Variants in BEAN1 observed in about 807,000 individuals in gnomAD.
BEAN1 encodes the protein brain expressed associated with NEDD4 1.
Under a neutral mutation model 17.7 loss-of-function variants are expected in BEAN1, and 17 were observed. The ratio of observed to expected loss-of-function variants is 0.96; its 90% confidence interval spans 0.66 to 1.44. BEAN1 has a LOEUF of 1.44. Ranked by LOEUF, BEAN1 falls within the 40% of genes most tolerant of loss-of-function variation. The pLI, the probability that BEAN1 is intolerant of heterozygous loss-of-function variation, is 0.00. For synonymous variants in BEAN1, 142 were observed against 151.8 expected (o/e 0.94, Z 0.47); for missense variants, 359 against 374.1 (o/e 0.96, Z 0.33).
Position 66,480,784 on chromosome 16 carries a change from TC to T in BEAN1, c.645del (p.Tyr216ThrfsTer63). The T allele has an allele frequency of 2.6e-6, 4 of 1,550,206 alleles. No homozygotes were observed. The highest frequency in any genetic ancestry group is 1.7e-4 in the Middle Eastern group (1 of 5,982). ...TTCACACGGTCTCCATGGACACCCTTCCCCCCTACGAGGCTGTGTGCGGGGC... is the reference window on the plus strand; with the variant it reads ...TTCACACGGTCTCCATGGACACCCTTCCCCCTACGAGGCTGTGTGCGGGGC... ...GLHTVSMDTLPPYEAVCGAGP... is the reference protein window; with the variant it reads ...GLHTVSMDTLXPYEAVCGAGP... On this transcript the variant is annotated frameshift_variant, in exon 5 of 5. Coordinates refer to ENST00000536005, the MANE Select transcript of BEAN1 (RefSeq NM_001178020.3). LOFTEE classifies it low-confidence loss of function (END_TRUNC).
chr16:66,443,356 A>G (rs954523299), intron 2 of BEAN1, among the ~76,000 whole-genome samples: 1 of 152,222 alleles, frequency 6.6e-6, no homozygotes, highest in East Asian at 1.9e-4. Context: ...CATTCCACAC[A>G]TGAGGAAGCT....
At position 66,473,331 on chromosome 16, in the gene BEAN1, G is replaced by C. The variant is rs926136579; in HGVS notation, c.289+3466G>C. 6.6e-6 allele frequency among the ~76,000 whole-genome samples: 1 copy of C among 152,180 alleles called. No individual in the cohort carries two copies. Among genetic ancestry groups the C allele is most frequent in the South Asian group, 2.1e-4 (1 of 4,836 alleles). ...CTTCCCCACTGCAGCCTGTGGTGGT[G>C]GTGACCCCTGTGGGGTTCCGGCCTC... is the stretch of plus-strand genomic sequence containing the variant. On this transcript the variant is annotated intron_variant, in intron 3 of 4. Transcript: ENST00000536005. This position sits in a 1 kb window ranked among gnomAD's most constrained non-coding sequence, Gnocchi z 4.5.
intron 3 of BEAN1, among the ~76,000 whole-genome samples, chr16:66,470,751 C>T (rs181553043): frequency 7.9e-5 from 12 of 152,292 alleles, no homozygotes; most frequent in Admixed American, 2.6e-4. Context: ...TTTTACAGAA[C>T]GCAGCCACCT....
chr16:66,436,092 T>A (rs1371882979), intron 1 of BEAN1, among the ~76,000 whole-genome samples: 1 of 152,082 alleles, frequency 6.6e-6, no homozygotes, highest in Non-Finnish European at 1.5e-5. Context: ...GCACTCATGA[T>A]CTCTGCTCAC....
chr16:66,434,467 G>C lies in BEAN1; in HGVS notation c.-82-3128G>C, dbSNP rs1028138630. Among the ~76,000 whole-genome samples the C allele has an allele frequency of 1.3e-5, 2 of 152,138 alleles. No individual in the cohort carries two copies. The highest frequency in any genetic ancestry group is 2.9e-5 in the Non-Finnish European group (2 of 68,008). ...GGTCCTCCGGCAGAAATCCTGGAGT[G>C]GGGGAAGGGAGAAGGAAACAGGCAG... On this transcript the variant is annotated intron_variant, in intron 1 of 4. Transcript: ENST00000536005. The surrounding 1 kb of genome is among the most constrained non-coding windows in gnomAD (Gnocchi z 4.3).
intron 2 of BEAN1, among the ~76,000 whole-genome samples, chr16:66,452,117 C>T (rs920349835): frequency 2.0e-5 from 3 of 152,136 alleles, no homozygotes; most frequent in Non-Finnish European, 4.4e-5. Context: ...CTCCAAAGCT[C>T]CATGGTTTAG....
exon 5 of BEAN1, chr16:66,493,130 G>T (rs754537210): frequency 8.5e-6 from 6 of 702,858 alleles, no homozygotes; most frequent in Non-Finnish European, 1.6e-5. Flanking sequence ...GATCTTCCTG[G>T]TGAGGGTCTC....
chr16:66,472,338 A>G (rs1031755042), intron 3 of BEAN1, among the ~76,000 whole-genome samples: 1 of 152,262 alleles, frequency 6.6e-6, no homozygotes, highest in African/African-American at 2.4e-5. Flanking sequence ...GCCTGGAGGA[A>G]GCGCTCCATG....
chr16:66,477,474 C>G (rs1195334654), intron 3 of BEAN1, 86 bp from the exon 4 acceptor site: 3 of 1,335,574 alleles, frequency 2.2e-6, no homozygotes, highest in Non-Finnish European at 2.9e-6. Flanking sequence ...ATCAGAGCCT[C>G]CATGGCCCCA....
Position 66,437,585 on chromosome 16 carries a change from G to T in BEAN1, c.-82-10G>T. On this transcript the variant is annotated splice_polypyrimidine_tract_variant and intron_variant, in intron 1 of 4. Transcript: ENST00000536005. ...GGCCCCCCAACACCTGCCTGTTTGTGTCTCCGCAGGTGAGTGGAGGGGCCT... is the reference window on the plus strand; with the variant it reads ...GGCCCCCCAACACCTGCCTGTTTGTTTCTCCGCAGGTGAGTGGAGGGGCCT... 1 of 1,411,392 alleles carries T rather than the reference G, an allele frequency of 7.1e-7. No homozygotes were observed. Among genetic ancestry groups the T allele is most frequent in the Non-Finnish European group, 9.6e-7 (1 of 1,045,710 alleles). 87.4% of individuals were successfully genotyped at this position (1,411,392 alleles called of 1,614,324 possible).
chr16:66,453,946 G>A (rs1453468760), intron 2 of BEAN1, among the ~76,000 whole-genome samples: 1 of 151,944 alleles, frequency 6.6e-6, no homozygotes, highest in Non-Finnish European at 1.5e-5. Context: ...GTTGGCCAGG[G>A]TGGTCTCAAA....
At chr16:66,469,468 A>T in intron 2 of BEAN1, 134 bp from the exon 3 acceptor site, 1 of 1,107,306 alleles carries the variant, frequency 9.0e-7, no homozygotes, top group Non-Finnish European at 1.3e-6. Context: ...CAGCCAGGAT[A>T]GAGTCCGTGG....
At position 66,477,608 on chromosome 16, in the gene BEAN1, C is replaced by A; in HGVS notation, c.338C>A (p.Ala113Asp). The A allele has an allele frequency of 6.4e-7, 1 of 1,550,816 alleles. No homozygotes were observed. The highest frequency in any genetic ancestry group is 8.7e-7 in the Non-Finnish European group (1 of 1,146,662). The change falls in exon 4 of 5, where the codon GCC becomes GAC. Residue 113 changes from alanine (A) to aspartate (D), a missense_variant. Physicochemically the swap from Ala to Asp is moderately radical, Grantham distance 126. Coordinates refer to ENST00000536005, the MANE Select transcript of BEAN1 (RefSeq NM_001178020.3). ...YSRSSRRMRY[A>D]CSSSEDWPPP... ...CGCTCAAGCCGCAGGATGCGCTATG[C>A]CTGCAGCTCCTCAGAGGACTGGCCC...
chr16:66,446,238 A>AC (rs1291289800), intron 2 of BEAN1, among the ~76,000 whole-genome samples: 1 of 152,096 alleles, frequency 6.6e-6, no homozygotes, highest in East Asian at 1.9e-4. Context: ...TGACAATGGT[A>AC]CCTTGGACCA....
At chr16:66,453,464 T>A (rs1962752600) in intron 2 of BEAN1, among the ~76,000 whole-genome samples, 1 of 151,942 alleles carries the variant, frequency 6.6e-6, no homozygotes, top group East Asian at 1.9e-4. Flanking sequence ...GCTCAAGCAG[T>A]CCTCCCACTT....
At chr16:66,494,472 G>A (rs372839228), downstream of BEAN1, among the ~76,000 whole-genome samples, 2 of 152,066 alleles carry the variant, frequency 1.3e-5, no homozygotes, top group Admixed American at 6.6e-5. Context: ...ATCAGAGACC[G>A]ACCCAGAGAA....
chr16:66,449,960 G>T lies in BEAN1; in HGVS notation c.25+12259G>T, dbSNP rs116006979. Among the ~76,000 whole-genome samples, 319 of 152,240 alleles carry T rather than the reference G, an allele frequency of 2.1e-3. 1 individual carries two copies. Among genetic ancestry groups the T allele is most frequent in the African/African-American group, 7.4e-3 (308 of 41,546 alleles). Reference sequence around the variant, plus strand: ...CCCAGACATTATGTAATTTATTACTGAATTTGTATATTCAGAAACCTGGGA... The same window carrying T: ...CCCAGACATTATGTAATTTATTACTTAATTTGTATATTCAGAAACCTGGGA... On this transcript the variant is annotated intron_variant, in intron 2 of 4. Transcript: ENST00000536005.
chr16:66,479,838 T>C (rs971369011), intron 4 of BEAN1, among the ~76,000 whole-genome samples: 7 of 152,238 alleles, frequency 4.6e-5, no homozygotes, highest in Middle Eastern at 3.4e-3. Context: ...CCTGTGATCA[T>C]GCCCACAGGA....
chr16:66,480,879 C>T lies in BEAN1; in HGVS notation c.734C>T (p.Pro245Leu), dbSNP rs1963963162. 5 of 1,472,946 alleles carry T rather than the reference C, an allele frequency of 3.4e-6. No homozygotes were observed. Among genetic ancestry groups the T allele is most frequent in the Non-Finnish European group, 4.5e-6 (5 of 1,107,262 alleles). The allele number at this position is 1,472,946 out of a possible 1,614,324, so 91.2% of individuals were successfully genotyped here. A position where few individuals can be genotyped will look rare whatever the true frequency, so the allele number is the denominator to read the frequency against. Residue 245 changes from proline (P) to leucine (L), a missense_variant, in exon 5 of 5, where the codon CCC (proline) becomes CTC (leucine). Coordinates refer to ENST00000536005, the MANE Select transcript of BEAN1 (RefSeq NM_001178020.3). ...GGGCCAAGGGGCTCCCAGGGCTCACCCACCCCAACCCGGGCCCCAGCCTCT... is the reference window on the plus strand; with the variant it reads ...GGGCCAAGGGGCTCCCAGGGCTCACTCACCCCAACCCGGGCCCCAGCCTCT... ...DPGPRGSQGS[P>L]TPTRAPASGP...
Sources: gnomAD v4.1 joint callset for allele counts (sites outside exome capture counted in the v4.1 genomes callset) on GRCh38, gnomAD v4.1.1 for gene constraint, Gnocchi (gnomAD v3.1) non-coding constraint, MANE v1.5 for transcripts, NCBI Gene and HGNC (gene_info 2026-07-23, HGNC 2026-07-21) for gene names.